The following GNG7 variants were observed in gnomAD, a reference collection of about 807,000 sequenced individuals.
The protein encoded by GNG7 is G protein subunit gamma 7, also known as guanine nucleotide-binding protein G(I)/G(S)/G(O) subunit gamma-7.
In GNG7, 1 loss-of-function variant was observed where a neutral mutation model predicts 4.0. That is an observed-to-expected ratio of 0.25 (90% confidence interval 0.09 to 1.18). The LOEUF is 1.18. Among genes scored for constraint, GNG7 ranks in the 50% most tolerant of loss-of-function variants. The pLI is 0.50. For missense variants in GNG7, 86 were observed against 91.9 expected, an observed-to-expected ratio of 0.94 and a Z score of 0.26; for synonymous variants, 34 against 36.9, an observed-to-expected ratio of 0.92 and a Z score of 0.29.
chr19:2,544,995 C>A (rs1212999048), intron 3 of GNG7, among the ~76,000 whole-genome samples: 1 of 152,178 alleles, frequency 6.6e-6, no homozygotes, highest in African/African-American at 2.4e-5. Context: ...CAGGGGGACC[C>A]CCAACTCCTG....
intron 2 of GNG7, among the ~76,000 whole-genome samples, chr19:2,623,026 C>A (rs952262204): frequency 6.6e-6 from 1 of 152,204 alleles, no homozygotes; most frequent in Non-Finnish European, 1.5e-5. Flanking sequence ...CGGCTAAGGT[C>A]CTCAACACCC....
chr19:2,537,655 G>A (rs1217208129), intron 3 of GNG7, among the ~76,000 whole-genome samples: 2 of 151,698 alleles, frequency 1.3e-5, no homozygotes, highest in Non-Finnish European at 2.9e-5. Context: ...AGCTGGAGGC[G>A]GGAAACTGGC....
chr19:2,582,684 T>A (rs1980537765), intron 2 of GNG7, among the ~76,000 whole-genome samples: 1 of 110,484 alleles, frequency 9.1e-6, no homozygotes, highest in Admixed American at 9.8e-5. Flanking sequence ...TTTTTTTTTT[T>A]TTGAGACAGA....
At chr19:2,560,587 G>C (rs955015241) in intron 2 of GNG7, among the ~76,000 whole-genome samples, 1 of 147,078 alleles carries the variant, frequency 6.8e-6, no homozygotes, top group Non-Finnish European at 1.5e-5. Flanking sequence ...CGGACGCTGC[G>C]GTGCCCAGGA....
chr19:2,678,909 C>T (rs1166187552), intron 1 of GNG7, among the ~76,000 whole-genome samples: 1 of 152,144 alleles, frequency 6.6e-6, no homozygotes, highest in African/African-American at 2.4e-5. Context: ...CCTCCGATTT[C>T]CAGACAAGCC....
intron 2 of GNG7, among the ~76,000 whole-genome samples, chr19:2,566,179 T>A (rs974202878): frequency 6.6e-6 from 1 of 151,490 alleles, no homozygotes; most frequent in African/African-American, 2.4e-5. Flanking sequence ...AATAAATAAA[T>A]ATAAAAAATA....
At chr19:2,697,658 G>A (rs570981966) in intron 1 of GNG7, among the ~76,000 whole-genome samples, 74 of 152,316 alleles carry the variant, frequency 4.9e-4, no homozygotes, top group Non-Finnish European at 9.1e-4. Flanking sequence ...GAAATCAGCC[G>A]TGAAAGGACA....
chr19:2,602,323 C>T (rs947848267), intron 2 of GNG7, among the ~76,000 whole-genome samples: 3 of 149,636 alleles, frequency 2.0e-5, no homozygotes, highest in Admixed American at 6.6e-5. Flanking sequence ...GGCGACAGAG[C>T]GAGACTCCGT....
rs768162130 is a variant in GNG7 at position 2,557,287 on chromosome 19, AC to A, written c.-77-2100del. On this transcript the variant is annotated intron_variant, in intron 2 of 4. Transcript: ENST00000382159. The surrounding 1 kb of genome is among the most constrained non-coding windows in gnomAD (Gnocchi z 5.1). The stretch of plus-strand genomic sequence containing the variant: ...CACATTTGCACACACAGACACGTGC[AC>A]ACACAGAGGTGCACATACACGCACA... 3.3e-5 allele frequency among the ~76,000 whole-genome samples: 5 copies of A among 150,982 alleles called. No individual in the cohort carries two copies. The South Asian group carries it at 8.4e-4, about 25-fold the overall frequency.
At chr19:2,635,248 G>C (rs968393334) in intron 2 of GNG7, among the ~76,000 whole-genome samples, 2 of 152,212 alleles carry the variant, frequency 1.3e-5, no homozygotes, top group African/African-American at 4.8e-5. Context: ...GGTGCCCCGT[G>C]AACCCATCTC....
intron 2 of GNG7, among the ~76,000 whole-genome samples, chr19:2,606,655 C>CA (rs137921403): frequency 0.028 from 829 of 29,508 alleles, 30 homozygotes; most frequent in East Asian, 0.07. Flanking sequence ...AACTCTGTCT[C>CA]AAAAAAAAAT....
intron 2 of GNG7, among the ~76,000 whole-genome samples, chr19:2,645,197 C>A (rs1308442517): frequency 6.6e-6 from 1 of 151,624 alleles, no homozygotes; most frequent in Non-Finnish European, 1.5e-5. Flanking sequence ...CAAACCCTAA[C>A]TCTTTTCTGT....
intron 2 of GNG7, among the ~76,000 whole-genome samples, chr19:2,568,453 TACATAC>T (rs1568247064): frequency 4.0e-5 from 3 of 75,560 alleles, no homozygotes; most frequent in African/African-American, 1.2e-4. Context: ...CACATACATA[TACATAC>T]ACACACACAT....
intron 1 of GNG7, among the ~76,000 whole-genome samples, chr19:2,680,144 C>CTTTTTT (rs775146336): frequency 1.7e-5 from 2 of 119,010 alleles, no homozygotes; most frequent in African/African-American, 3.5e-5. Flanking sequence ...GACCTTGTCT[C>CTTTTTT]TTTTTTTTTT....
chr19:2,664,978 G>C (rs1353931967), intron 1 of GNG7, among the ~76,000 whole-genome samples: 1 of 151,746 alleles, frequency 6.6e-6, no homozygotes, highest in African/African-American at 2.4e-5. Context: ...AAATTCCACG[G>C]ACCCCCAAGA....
chr19:2,532,489 C>A (rs1978626726), intron 3 of GNG7, among the ~76,000 whole-genome samples: 2 of 152,160 alleles, frequency 1.3e-5, no homozygotes, highest in Admixed American at 6.6e-5. Context: ...ATAGAAGATG[C>A]AGTGACGTCT....
intron 2 of GNG7, among the ~76,000 whole-genome samples, chr19:2,577,416 T>C (rs115191102): frequency 0.011 from 1,717 of 152,264 alleles, 44 homozygotes; most frequent in African/African-American, 0.039. Flanking sequence ...TGGGGGACAC[T>C]CCCAGCTCCT....
At chr19:2,671,911 C>T (rs1188032278) in intron 1 of GNG7, among the ~76,000 whole-genome samples, 6 of 151,604 alleles carry the variant, frequency 4.0e-5, no homozygotes, top group Admixed American at 6.6e-5. Flanking sequence ...ATTAGCCGGG[C>T]GTGGCAGTGG....
At chr19:2,693,415 CAA>C (rs146155053) in intron 1 of GNG7, among the ~76,000 whole-genome samples, 16 of 80,284 alleles carry the variant, frequency 2.0e-4, no homozygotes, top group Admixed American at 1.3e-4. Context: ...GACTCTGCCT[CAA>C]AAAAAAAAAA....
Sources: gnomAD v4.1 joint callset for allele counts (sites outside exome capture counted in the v4.1 genomes callset) on GRCh38, gnomAD v4.1.1 for gene constraint, Gnocchi (gnomAD v3.1) non-coding constraint, MANE v1.5 for transcripts, NCBI Gene and HGNC (gene_info 2026-07-23, HGNC 2026-07-21) for gene names.